ADGRD1: variants seen among roughly 807,000 people sequenced by gnomAD.
The protein encoded by ADGRD1 is G-protein coupled receptor 133.
Under a neutral mutation model 113.4 loss-of-function variants are expected in ADGRD1, and 77 were observed. That is an observed-to-expected ratio of 0.68 (90% CI 0.57 to 0.82). The LOEUF (loss-of-function observed/expected upper bound fraction) is 0.82. Among genes scored for constraint, ADGRD1 ranks in the 40% least tolerant of loss-of-function variants. The pLI, the probability that ADGRD1 is intolerant of heterozygous loss-of-function variation, is 0.00. For missense variants in ADGRD1, 1,036 were observed against 1,139.1 expected (o/e 0.91, Z 1.30); for synonymous variants, 474 against 475.0 (o/e 1.00, Z 0.03).
intron 5 of ADGRD1, among the ~76,000 whole-genome samples, chr12:130,986,332 A>C (rs188959510): frequency 1.4e-5 from 2 of 147,078 alleles, no homozygotes; most frequent in African/African-American, 5.4e-5. Flanking sequence ...CTTTCATCAG[A>C]GTTATATAGT....
At chr12:131,112,069 C>T (rs1950358089) in intron 18 of ADGRD1, among the ~76,000 whole-genome samples, 1 of 152,098 alleles carries the variant, frequency 6.6e-6, no homozygotes, top group East Asian at 1.9e-4. Flanking sequence ...ACCCTTGATT[C>T]TGATTCCCTC....
At chr12:130,963,874 C>T (rs1195803610) in intron 2 of ADGRD1, among the ~76,000 whole-genome samples, 1 of 152,080 alleles carries the variant, frequency 6.6e-6, no homozygotes, top group African/African-American at 2.4e-5. Context: ...GCCAAATTAC[C>T]CTTCAGAAGG....
In ADGRD1 at chr12:130,984,779, CCT is replaced by C. The variant is rs1391272432; in HGVS notation, c.491-2309_491-2308del. ...TCCTTCCTCCCTTTCTTCTTCCCCT[CCT>C]CTCTCTTTTCCTTCTTTCCCTCCCT... On this transcript the variant is annotated intron_variant, in intron 5 of 24. Transcript: ENST00000261654. This position sits in a 1 kb window ranked among gnomAD's most constrained non-coding sequence, Gnocchi z 4.1. 2.0e-5 allele frequency among the ~76,000 whole-genome samples: 3 copies of C among 151,580 alleles called. No individual in the cohort carries two copies. The highest frequency in any genetic ancestry group is 2.1e-4 in the South Asian group (1 of 4,772).
intron 13 of ADGRD1, among the ~76,000 whole-genome samples, chr12:131,043,596 G>A (rs188343496): frequency 5.9e-5 from 9 of 152,388 alleles, no homozygotes; most frequent in Admixed American, 3.3e-4. Flanking sequence ...GAGGGAGGCA[G>A]TGCTGCCTGA....
chr12:131,139,665 G>A lies in ADGRD1; in HGVS notation c.*402G>A. On this transcript the variant is annotated 3_prime_UTR_variant, in exon 25 of 25. Coordinates refer to ENST00000261654, the MANE Select transcript of ADGRD1 (RefSeq NM_198827.5). ...CCTCTGTGCCTTGGTGGGGCTTGGG[G>A]ACTCAGGGCCAAAGAGGTGGTTCAG... 5.7e-6 allele frequency: 1 copy of A among 174,948 alleles called. No homozygotes were observed. Among genetic ancestry groups the A allele is most frequent in the Non-Finnish European group, 1.2e-5 (1 of 81,526 alleles). 10.8% of individuals were successfully genotyped at this position (174,948 alleles called of 1,614,324 possible).
intron 13 of ADGRD1, among the ~76,000 whole-genome samples, chr12:131,056,761 A>T (rs1883894861): frequency 6.6e-6 from 1 of 152,206 alleles, no homozygotes; most frequent in African/African-American, 2.4e-5. Context: ...CCCCGTGGGG[A>T]TAATCACTTC....
intron 2 of ADGRD1, among the ~76,000 whole-genome samples, chr12:130,961,963 C>T (rs1406289522): frequency 6.6e-5 from 10 of 152,154 alleles, no homozygotes; most frequent in Admixed American, 2.0e-4. Context: ...CACAGTTTTC[C>T]ACGTCGCCTC....
intron 13 of ADGRD1, among the ~76,000 whole-genome samples, chr12:131,038,909 G>A (rs1158739338): frequency 2.0e-5 from 3 of 152,258 alleles, no homozygotes; most frequent in South Asian, 2.1e-4. Flanking sequence ...GTCGCAGGCC[G>A]ACACCTGGGG....
intron 12 of ADGRD1, among the ~76,000 whole-genome samples, chr12:131,008,292 G>T (rs1013470392): frequency 2.6e-5 from 4 of 152,270 alleles, no homozygotes; most frequent in Non-Finnish European, 5.9e-5. Context: ...CGTGCGGGCA[G>T]CACGTTTATG....
At chr12:130,957,678 A>G (rs771787107) in intron 2 of ADGRD1, 2 of 152,288 alleles carry the variant, frequency 1.3e-5, no homozygotes, top group Non-Finnish European at 2.9e-5. Context: ...TTGTTCTTCC[A>G]AGTCTGGATT....
At chr12:130,956,181 C>T (rs911361531) in intron 2 of ADGRD1, among the ~76,000 whole-genome samples, 2 of 152,206 alleles carry the variant, frequency 1.3e-5, no homozygotes, top group Non-Finnish European at 2.9e-5. Flanking sequence ...GGGAGAGCCC[C>T]TTTCCTGGAT....
chr12:131,002,750 C>G, intron 9 of ADGRD1: 2 of 1,259,098 alleles, frequency 1.6e-6, no homozygotes, highest in Non-Finnish European at 2.0e-6. Flanking sequence ...AGCAGCCACC[C>G]TTCATGGAGA....
In ADGRD1 at chr12:130,971,547, T is replaced by TGG; in HGVS notation, c.278_279insGG (p.Cys93TrpfsTer63). On this transcript the variant is annotated frameshift_variant, in exon 4 of 25. Coordinates refer to ENST00000261654, the MANE Select transcript of ADGRD1 (RefSeq NM_198827.5). LOFTEE classifies it high-confidence loss of function. The surrounding 1 kb of genome is among the most constrained non-coding windows in gnomAD (Gnocchi z 4.2). The stretch of plus-strand genomic sequence containing the variant: ...CTATTACGGCAGGTACAACAGCTCC[T>TGG]GCATCAGCAAGCCAGAGCAGTGTGG... 6.2e-7 allele frequency: 1 copy of TGG among 1,613,196 alleles called. No homozygotes were observed. The highest frequency in any genetic ancestry group is 2.2e-5 in the East Asian group (1 of 44,840).
chr12:131,060,478 ATGCTGGCTGTTAAC>A lies in ADGRD1; in HGVS notation c.1474-16313_1474-16300del, dbSNP rs1207450746. 1.1e-4 allele frequency among the ~76,000 whole-genome samples: 16 copies of A among 152,210 alleles called. No homozygotes were observed. The highest frequency in any genetic ancestry group is 3.6e-4 in the African/African-American group (15 of 41,460). On this transcript the variant is annotated intron_variant, in intron 13 of 24. Transcript: ENST00000261654. This position sits in a 1 kb window ranked among gnomAD's most constrained non-coding sequence, Gnocchi z 4.4. ...GCATGGACAATGCTGTGTCAGAGCG[ATGCTGGCTGTTAAC>A]TGCTGGCTGGGTCACACCATGCAGA...
chr12:131,019,678 C>A (rs914668093), intron 13 of ADGRD1, among the ~76,000 whole-genome samples: 1 of 152,206 alleles, frequency 6.6e-6, no homozygotes, highest in Admixed American at 6.5e-5. Context: ...GGCCTCAGCT[C>A]CACCTGAATG....
In ADGRD1 at chr12:131,014,276, C is replaced by T; in HGVS notation, c.1409C>T (p.Pro470Leu). Residue 470 changes from proline to leucine, a missense_variant, in exon 13 of 25, where the codon CCA becomes CTA. Pro to Leu is a moderately conservative substitution (Grantham distance 98, BLOSUM62 -3). Transcript: ENST00000261654. ...CTGATTTCCCTGGAGGTGTCCCCACCACCCACCCTGTCTCAGAACCTGTCG... is the reference window on the plus strand; with the variant it reads ...CTGATTTCCCTGGAGGTGTCCCCACTACCCACCCTGTCTCAGAACCTGTCG... ...SHLISLEVSP[P>L]PTLSQNLSGS... 6.2e-7 allele frequency: 1 copy of T among 1,614,080 alleles called. No individual in the cohort carries two copies. Among genetic ancestry groups the T allele is most frequent in the Non-Finnish European group, 8.5e-7 (1 of 1,179,930 alleles).
intron 3 of ADGRD1, chr12:130,969,769 G>A (rs1871404367): frequency 6.6e-6 from 1 of 152,148 alleles, no homozygotes. Flanking sequence ...CATGAAACCG[G>A]TCCCTGGTGC....
At chr12:131,051,343 T>C (rs1401589293) in intron 13 of ADGRD1, among the ~76,000 whole-genome samples, 2 of 152,248 alleles carry the variant, frequency 1.3e-5, no homozygotes, top group Non-Finnish European at 2.9e-5. Flanking sequence ...GAAACAGAAC[T>C]TGGGTGTTTG....
At position 131,075,513 on chromosome 12, in the gene ADGRD1, G is replaced by A. The variant is rs191733401; in HGVS notation, c.1474-1288G>A. Among the ~76,000 whole-genome samples, 84 of 152,316 alleles carry A rather than the reference G, an allele frequency of 5.5e-4. No homozygotes were observed. In the East Asian group the frequency reaches 0.011, roughly 20 times the overall value. On this transcript the variant is annotated intron_variant, in intron 13 of 24. Coordinates refer to ENST00000261654, the MANE Select transcript of ADGRD1 (RefSeq NM_198827.5). This position sits in a 1 kb window ranked among gnomAD's most constrained non-coding sequence, Gnocchi z 5.3. ...TTAAAATAACCCTAAGATACGGGGC[G>A]GCAGGGGTGGGGGACAAAGCAAAAA... is the stretch of plus-strand genomic sequence containing the variant.
Sources: gnomAD v4.1 joint callset for allele counts (sites outside exome capture counted in the v4.1 genomes callset) on GRCh38, gnomAD v4.1.1 for gene constraint, Gnocchi (gnomAD v3.1) non-coding constraint, MANE v1.5 for transcripts, NCBI Gene and HGNC (gene_info 2026-07-23, HGNC 2026-07-21) for gene names.